Variants in KCNT2 observed in about 807,000 individuals in gnomAD.
KCNT2 encodes potassium channel subfamily T member 2.
Under a neutral mutation model 153.8 loss-of-function variants are expected in KCNT2, and 67 were observed. The observed-to-expected ratio is 0.44, with a 90% CI of 0.36 to 0.53. The LOEUF (loss-of-function observed/expected upper bound fraction) is 0.53, where lower values mean the gene tolerates loss of function less well. KCNT2 is among the 20% of genes least tolerant of loss of function. The pLI is 0.00. For missense variants in KCNT2, 975 were observed against 1,354.8 expected, an observed-to-expected ratio of 0.72 and a Z score of 4.40; for synonymous variants, 500 against 458.8, an observed-to-expected ratio of 1.09 and a Z score of -1.15.
chr1:196,580,962 T>A (rs906588868), intron 1 of KCNT2, among the ~76,000 whole-genome samples: 2 of 152,180 alleles, frequency 1.3e-5, no homozygotes, highest in Non-Finnish European at 2.9e-5. Flanking sequence ...TAATAATAGC[T>A]GATTTTTGAG....
At chr1:196,526,818 T>G (rs1654281601) in intron 1 of KCNT2, among the ~76,000 whole-genome samples, 1 of 152,082 alleles carries the variant, frequency 6.6e-6, no homozygotes, top group Non-Finnish European at 1.5e-5. Flanking sequence ...CAACACAAAG[T>G]CAGGGACTGT....
intron 14 of KCNT2, among the ~76,000 whole-genome samples, chr1:196,353,125 C>G (rs768070938): frequency 6.6e-6 from 1 of 151,926 alleles, no homozygotes; most frequent in African/African-American, 2.4e-5. Context: ...CCACAGCAGT[C>G]TCTACTCCCT....
At chr1:196,351,181 A>G (rs1666655886) in intron 14 of KCNT2, among the ~76,000 whole-genome samples, 1 of 152,132 alleles carries the variant, frequency 6.6e-6, no homozygotes, top group Admixed American at 6.6e-5. Context: ...TGACTTGGTG[A>G]TGCGGGCTTT....
intron 26 of KCNT2, among the ~76,000 whole-genome samples, chr1:196,238,512 G>T (rs530244254): frequency 8.0e-4 from 121 of 152,024 alleles, no homozygotes; most frequent in African/African-American, 2.8e-3. Flanking sequence ...ACCCCTCACT[G>T]ACTTTTCCTA....
At chr1:196,479,766 C>A (rs1453622654) in intron 4 of KCNT2, among the ~76,000 whole-genome samples, 1 of 152,148 alleles carries the variant, frequency 6.6e-6, no homozygotes, top group Non-Finnish European at 1.5e-5. Context: ...CACAGATAAC[C>A]ACTCTATCCC....
At chr1:196,245,871 A>G (rs1020261508) in intron 26 of KCNT2, among the ~76,000 whole-genome samples, 1 of 152,210 alleles carries the variant, frequency 6.6e-6, no homozygotes, top group East Asian at 1.9e-4. Flanking sequence ...CCAAAAGGGC[A>G]AATCTAAGAG....
chr1:196,572,366 G>A (rs1015268345), intron 1 of KCNT2, among the ~76,000 whole-genome samples: 1 of 152,070 alleles, frequency 6.6e-6, no homozygotes, highest in Non-Finnish European at 1.5e-5. Flanking sequence ...ACTGTAAGTA[G>A]TGAGTGAGGA....
At chr1:196,409,848 T>A (rs903313678) in intron 12 of KCNT2, among the ~76,000 whole-genome samples, 2 of 151,716 alleles carry the variant, frequency 1.3e-5, no homozygotes, top group Admixed American at 6.6e-5. Context: ...GGCAATTCTA[T>A]TTTAGGTTTT....
At chr1:196,295,016 A>G (rs141222427) in intron 22 of KCNT2, among the ~76,000 whole-genome samples, 46 of 151,816 alleles carry the variant, frequency 3.0e-4, no homozygotes, top group African/African-American at 1.1e-3. Context: ...AATGTATTGT[A>G]TATTTCAGAA....
intron 14 of KCNT2, among the ~76,000 whole-genome samples, chr1:196,359,036 T>C (rs1291849035): frequency 6.6e-6 from 1 of 151,964 alleles, no homozygotes; most frequent in Non-Finnish European, 1.5e-5. Flanking sequence ...TCTGCTAAGG[T>C]GGACTTCGTT....
intron 1 of KCNT2, among the ~76,000 whole-genome samples, chr1:196,606,647 G>T (rs527550057): frequency 1.3e-5 from 2 of 152,084 alleles, no homozygotes; most frequent in East Asian, 3.9e-4. Flanking sequence ...TTAACATATT[G>T]GATATGATAT....
intron 13 of KCNT2, among the ~76,000 whole-genome samples, chr1:196,388,837 T>C (rs963667216): frequency 2.0e-5 from 3 of 151,722 alleles, no homozygotes; most frequent in African/African-American, 7.2e-5. Flanking sequence ...ATAAAGCTAG[T>C]TTTACTATTT....
intron 1 of KCNT2, among the ~76,000 whole-genome samples, chr1:196,552,684 T>C (rs1658072810): frequency 6.6e-6 from 1 of 151,486 alleles, no homozygotes; most frequent in Non-Finnish European, 1.5e-5. Flanking sequence ...GACTAATTGA[T>C]GAACCAATCA....
At chr1:196,265,823 CA>C (rs1571847389) in intron 25 of KCNT2, among the ~76,000 whole-genome samples, 1 of 152,268 alleles carries the variant, frequency 6.6e-6, no homozygotes, top group East Asian at 1.9e-4. Context: ...GACTCTGTGG[CA>C]TACCCAAGAG....
chr1:196,313,362 G>A (rs1662379955), intron 21 of KCNT2, among the ~76,000 whole-genome samples: 1 of 151,586 alleles, frequency 6.6e-6, no homozygotes, highest in South Asian at 2.1e-4. Context: ...GAGAATGGGT[G>A]GTGAAGGTCA....
intron 8 of KCNT2, among the ~76,000 whole-genome samples, chr1:196,429,995 T>G (rs1055383597): frequency 6.6e-6 from 1 of 152,076 alleles, no homozygotes. Flanking sequence ...CACAGTATAT[T>G]TGAGTAACAT....
At chr1:196,286,319 A>C (rs1659653576) in intron 22 of KCNT2, among the ~76,000 whole-genome samples, 1 of 152,118 alleles carries the variant, frequency 6.6e-6, no homozygotes, top group Non-Finnish European at 1.5e-5. Context: ...TTTTTAAAAA[A>C]GAGAAACTCT....
chr1:196,453,428 T>C (rs1223022203), intron 8 of KCNT2, among the ~76,000 whole-genome samples: 2 of 152,004 alleles, frequency 1.3e-5, no homozygotes, highest in Non-Finnish European at 2.9e-5. Flanking sequence ...CATTTTACTT[T>C]AATTCCTCCA....
At chr1:196,247,115 C>CA (rs1381352606) in intron 26 of KCNT2, among the ~76,000 whole-genome samples, 7 of 151,534 alleles carry the variant, frequency 4.6e-5, no homozygotes, top group African/African-American at 9.7e-5. Context: ...CAATAGAAAC[C>CA]AAAAAAGACT....
Sources: allele counts gnomAD v4.1 joint callset (sites outside exome capture counted in the v4.1 genomes callset), GRCh38; gene constraint gnomAD v4.1.1; transcripts MANE v1.5; gene names NCBI Gene and HGNC (gene_info 2026-07-23, HGNC 2026-07-21).